The following DCLK1 variants were observed in gnomAD, a reference collection of about 807,000 sequenced individuals.
DCLK1 encodes serine/threonine-protein kinase DCLK1.
A neutral mutation model predicts 86.2 loss-of-function variants in DCLK1; 16 were observed. The observed-to-expected ratio is 0.19, with a 90% CI of 0.13 to 0.28. DCLK1 has a LOEUF of 0.28. Among genes scored for constraint, DCLK1 ranks in the 10% least tolerant of loss-of-function variants. The probability of loss-of-function intolerance (pLI) is 1.00; values close to 1 mark genes in which losing one functional copy is unlikely to be tolerated. For synonymous variants in DCLK1, 369 were observed against 370.5 expected (o/e 1.00, Z 0.05); for missense variants, 590 against 940.2 (o/e 0.63, Z 4.87).
At chr13:35,804,411 G>A (rs2086985733) in intron 15 of DCLK1, among the ~76,000 whole-genome samples, 1 of 151,858 alleles carries the variant, frequency 6.6e-6, no homozygotes, top group African/African-American at 2.4e-5. Context: ...TGGGATTACA[G>A]GCATGAGTCA....
intron 3 of DCLK1, among the ~76,000 whole-genome samples, chr13:36,045,368 A>ATATATATATCTATATATC (rs1882867023): frequency 1.1e-5 from 1 of 94,926 alleles, no homozygotes; most frequent in East Asian, 6.8e-4. Context: ...ATATATATAT[A>ATATATATATCTATATATC]TATATATATT....
rs1301498573 is a variant in DCLK1, at chr13:35,774,204, C to T, written c.*331G>A. On this transcript the variant is annotated 3_prime_UTR_variant, in exon 17 of 17. Transcript: ENST00000360631. ...AGAATTCTCAATAAAATTCTATGCA[C>T]TCAGAGGGTTAACAAGTGCTATATT... is the stretch of plus-strand genomic sequence containing the variant. The T allele has an allele frequency of 1.0e-5, 2 of 200,264 alleles. No individual in the cohort carries two copies. Among genetic ancestry groups the T allele is most frequent in the South Asian group, 1.3e-4 (1 of 7,646 alleles). The allele number at this position is 200,264 out of a possible 1,614,324, so 12.4% of individuals were successfully genotyped here.
chr13:35,948,577 G>C (rs1444132924), intron 3 of DCLK1, among the ~76,000 whole-genome samples: 1 of 152,214 alleles, frequency 6.6e-6, no homozygotes, highest in East Asian at 1.9e-4. Flanking sequence ...ACATGGAATA[G>C]TAAGTTGAGA....
intron 4 of DCLK1, among the ~76,000 whole-genome samples, chr13:35,926,115 G>A (rs1285298322): frequency 6.6e-6 from 1 of 151,344 alleles, no homozygotes; most frequent in Non-Finnish European, 1.5e-5. Context: ...CTGGAGTGCA[G>A]TGGCACGATC....
At chr13:35,867,933 GA>G (rs1871950348) in intron 5 of DCLK1, among the ~76,000 whole-genome samples, 1 of 132,902 alleles carries the variant, frequency 7.5e-6, no homozygotes, top group Non-Finnish European at 1.6e-5. Context: ...AAGAAAGAAA[GA>G]AAGAAAGAAA....
intron 4 of DCLK1, among the ~76,000 whole-genome samples, chr13:35,887,499 T>A (rs1478778979): frequency 1.3e-5 from 2 of 152,198 alleles, no homozygotes; most frequent in African/African-American, 2.4e-5. Flanking sequence ...CACTTGCTGC[T>A]CAGCCCTCTC....
chr13:35,871,375 G>A, intron 4 of DCLK1, 35 bp from the exon 5 acceptor site: 2 of 1,527,580 alleles, frequency 1.3e-6, no homozygotes, highest in Non-Finnish European at 1.8e-6. Context: ...ATCATTATGG[G>A]GTAATGGCAC....
At chr13:35,864,147 G>A (rs1871602903) in intron 5 of DCLK1, among the ~76,000 whole-genome samples, 1 of 152,148 alleles carries the variant, frequency 6.6e-6, no homozygotes, top group African/African-American at 2.4e-5. Context: ...GCTTCTGAAG[G>A]GCAGGAAAGT....
chr13:35,992,380 T>C (rs1276709118), intron 3 of DCLK1, among the ~76,000 whole-genome samples: 1 of 151,930 alleles, frequency 6.6e-6, no homozygotes, highest in South Asian at 2.1e-4. Context: ...CAATGCAACA[T>C]GTTGACAGTA....
At chr13:35,937,610 T>C (rs1476261190) in intron 4 of DCLK1, among the ~76,000 whole-genome samples, 1 of 152,148 alleles carries the variant, frequency 6.6e-6, no homozygotes, top group Non-Finnish European at 1.5e-5. Flanking sequence ...TCCACAGACT[T>C]TTTTACTATC....
At chr13:36,004,987 T>C (rs1352235151) in intron 3 of DCLK1, among the ~76,000 whole-genome samples, 1 of 152,218 alleles carries the variant, frequency 6.6e-6, no homozygotes, top group Admixed American at 6.5e-5. Flanking sequence ...ATTAATATAT[T>C]TACAAATAAA....
At chr13:35,810,636 A>G (rs1247359126) in intron 12 of DCLK1, among the ~76,000 whole-genome samples, 199 bp downstream of exon 12, 1 of 152,238 alleles carries the variant, frequency 6.6e-6, no homozygotes, top group Non-Finnish European at 1.5e-5. Flanking sequence ...GATTGCAGTA[A>G]TTGACAAAAC....
At position 35,961,815 on chromosome 13, in the gene DCLK1, G is replaced by A. The variant is rs1329348421; in HGVS notation, c.724-14358C>T. Among the ~76,000 whole-genome samples, 4 of 152,130 alleles carry A rather than the reference G, an allele frequency of 2.6e-5. No homozygotes were observed. The East Asian group carries it at 7.7e-4, about 29-fold the overall frequency. On this transcript the variant is annotated intron_variant, in intron 3 of 16. Coordinates refer to ENST00000360631, the MANE Select transcript of DCLK1 (RefSeq NM_001330071.2). ...ATCTCAAAATTAAAGTTCTCTCCTT[G>A]TTTCTGATTTAGACAAATTTCAACG...
At chr13:35,932,014 C>T (rs955648961) in intron 4 of DCLK1, among the ~76,000 whole-genome samples, 1 of 152,172 alleles carries the variant, frequency 6.6e-6, no homozygotes, top group Non-Finnish European at 1.5e-5. Flanking sequence ...GAATGCGCCA[C>T]AGGGTGCCCA....
chr13:36,061,939 C>A (rs1883562849), intron 3 of DCLK1, among the ~76,000 whole-genome samples: 1 of 152,266 alleles, frequency 6.6e-6, no homozygotes, highest in Non-Finnish European at 1.5e-5. Context: ...TCGTTGGAAA[C>A]CCCAAAGTCC....
chr13:36,064,766 A>G (rs1419299565), intron 3 of DCLK1, among the ~76,000 whole-genome samples: 1 of 152,012 alleles, frequency 6.6e-6, no homozygotes, highest in Non-Finnish European at 1.5e-5. Context: ...AGAAGAAGAA[A>G]GGTAATGAAA....
At chr13:35,782,139 C>T (rs2086537551) in intron 16 of DCLK1, among the ~76,000 whole-genome samples, 1 of 152,110 alleles carries the variant, frequency 6.6e-6, no homozygotes, top group South Asian at 2.1e-4. Flanking sequence ...TCCCCATTTT[C>T]CTGGGAGAGC....
In DCLK1 at chr13:35,976,781, G is replaced by A. The variant is rs1170309688; in HGVS notation, c.724-29324C>T. Among the ~76,000 whole-genome samples, 4 of 151,834 alleles carry A rather than the reference G, an allele frequency of 2.6e-5. No individual in the cohort carries two copies. In the East Asian group the frequency reaches 7.8e-4, roughly 30 times the overall value. On this transcript the variant is annotated intron_variant, in intron 3 of 16. Transcript: ENST00000360631. ...GATCTCTTGACCTCGTGATCCGCCC[G>A]CCTCGGCCTCCCAAAGTGCTGGGAT...
At position 35,810,983 on chromosome 13, in the gene DCLK1, A is replaced by C; in HGVS notation, c.1555-15T>G. ...TGCTCATACACCTAAAACAAAGGTAAAAATCACAATTGTCTGAAAACCAAG... is the reference window on the plus strand; with the variant it reads ...TGCTCATACACCTAAAACAAAGGTACAAATCACAATTGTCTGAAAACCAAG... On this transcript the variant is annotated splice_polypyrimidine_tract_variant and intron_variant, in intron 11 of 16. Transcript: ENST00000360631. 1 of 1,613,244 alleles carries C rather than the reference A, an allele frequency of 6.2e-7. No individual in the cohort carries two copies. The highest frequency in any genetic ancestry group is 8.5e-7 in the Non-Finnish European group (1 of 1,179,752).
Sources: gnomAD v4.1 joint callset for allele counts (sites outside exome capture counted in the v4.1 genomes callset) on GRCh38, gnomAD v4.1.1 for gene constraint, MANE v1.5 for transcripts, NCBI Gene and HGNC (gene_info 2026-07-23, HGNC 2026-07-21) for gene names.